The following TNPO1 variants were observed in gnomAD, a reference collection of about 807,000 sequenced individuals.
The protein encoded by TNPO1 is transportin 1.
TNPO1 carries 8 observed loss-of-function variants against 119.5 expected under a neutral mutation model. That is an observed-to-expected ratio of 0.07 (90% CI 0.04 to 0.12). The LOEUF is 0.12. Ranked by LOEUF, TNPO1 falls within the 10% of genes least tolerant of loss-of-function variation. The pLI, the probability that TNPO1 is intolerant of heterozygous loss-of-function variation, is 1.00. For synonymous variants in TNPO1, 362 were observed against 363.0 expected, an observed-to-expected ratio of 1.00 and a Z score of 0.03; for missense variants, 576 against 1,089.8, an observed-to-expected ratio of 0.53 and a Z score of 6.64.
intron 4 of TNPO1, among the ~76,000 whole-genome samples, chr5:72,861,082 T>G (rs1386904199): frequency 6.6e-6 from 1 of 152,160 alleles, no homozygotes; most frequent in East Asian, 1.9e-4. Context: ...CGGCTAGTTA[T>G]GTATTTTTAG....
chr5:72,878,820 TTTC>T, intron 9 of TNPO1: 1 of 382,502 alleles, frequency 2.6e-6, no homozygotes, highest in South Asian at 2.2e-5. Flanking sequence ...ATTTTCTTTT[TTTC>T]TTCAAGAGCA....
At chr5:72,839,636 A>T (rs1005561771) in intron 1 of TNPO1, among the ~76,000 whole-genome samples, 7 of 152,206 alleles carry the variant, frequency 4.6e-5, no homozygotes, top group Admixed American at 1.3e-4. Context: ...AATGTTTCCC[A>T]TATTAATCGG....
At chr5:72,856,900 G>A (rs879405689) in intron 4 of TNPO1, among the ~76,000 whole-genome samples, 14 of 152,168 alleles carry the variant, frequency 9.2e-5, no homozygotes, top group Non-Finnish European at 1.8e-4. Flanking sequence ...GAAGAGGAGC[G>A]TACTAATGGG....
intron 1 of TNPO1, among the ~76,000 whole-genome samples, chr5:72,835,374 T>TA (rs1744653457): frequency 6.6e-6 from 1 of 152,162 alleles, no homozygotes. Flanking sequence ...TACAAAATAA[T>TA]AAAAATGTAT....
chr5:72,868,031 T>C (rs1294594652), intron 6 of TNPO1, among the ~76,000 whole-genome samples: 1 of 152,212 alleles, frequency 6.6e-6, no homozygotes. Flanking sequence ...TTGTACTCCA[T>C]TGATTTACAG....
chr5:72,905,992 C>T (rs1338441751), intron 24 of TNPO1, among the ~76,000 whole-genome samples: 1 of 152,250 alleles, frequency 6.6e-6, no homozygotes, highest in East Asian at 1.9e-4. Context: ...CAGTTTGAAT[C>T]GTAGGTATAA....
chr5:72,874,700 C>T (rs1747643311), intron 7 of TNPO1, among the ~76,000 whole-genome samples: 1 of 152,198 alleles, frequency 6.6e-6, no homozygotes, highest in Non-Finnish European at 1.5e-5. Flanking sequence ...CGTTGAATTT[C>T]TCCTCTTTCT....
chr5:72,849,768 G>T (rs1352306963), intron 2 of TNPO1, among the ~76,000 whole-genome samples: 1 of 152,116 alleles, frequency 6.6e-6, no homozygotes, highest in African/African-American at 2.4e-5. Context: ...TTTGTATCTT[G>T]TAAACAGTGC....
At chr5:72,827,760 T>G (rs1397391149) in intron 1 of TNPO1, among the ~76,000 whole-genome samples, 2 of 151,906 alleles carry the variant, frequency 1.3e-5, no homozygotes, top group African/African-American at 4.8e-5. Flanking sequence ...CAAAAAAATT[T>G]TTTTTTTAAA....
chr5:72,875,976 ATGG>A (rs2112383533), intron 8 of TNPO1, among the ~76,000 whole-genome samples: 1 of 152,256 alleles, frequency 6.6e-6, no homozygotes, highest in Admixed American at 6.5e-5. Flanking sequence ...AAAGTTCCAT[ATGG>A]TGGAGAGAAG....
intron 1 of TNPO1, among the ~76,000 whole-genome samples, chr5:72,846,026 C>T (rs1335268266): frequency 6.6e-6 from 1 of 152,148 alleles, no homozygotes; most frequent in African/African-American, 2.4e-5. Context: ...CATTGTTTAG[C>T]TTCATGAAAA....
chr5:72,860,956 A>G (rs183785477), intron 4 of TNPO1, among the ~76,000 whole-genome samples: 394 of 151,160 alleles, frequency 2.6e-3, no homozygotes, highest in African/African-American at 9.1e-3. Flanking sequence ...CTTGTTGCCC[A>G]GACTGGAGTG....
chr5:72,898,898 T>C (rs537048187), intron 20 of TNPO1, among the ~76,000 whole-genome samples: 1 of 152,168 alleles, frequency 6.6e-6, no homozygotes. Context: ...ACCCTTTTTT[T>C]ATGAAAGGTT....
intron 10 of TNPO1, 112 bp downstream of exon 10, chr5:72,882,639 TC>T (rs1458279127): frequency 3.6e-5 from 25 of 691,312 alleles, no homozygotes; most frequent in African/African-American, 3.4e-4. Context: ...TAAATAGACT[TC>T]CTATTATCCA....
intron 2 of TNPO1, among the ~76,000 whole-genome samples, chr5:72,849,457 AAG>A: frequency 6.6e-6 from 1 of 152,346 alleles, no homozygotes; most frequent in Admixed American, 6.5e-5. Flanking sequence ...TATTGTCAAA[AAG>A]CAGCAAAATT....
intron 11 of TNPO1, 38 bp from the exon 12 acceptor site, chr5:72,887,032 A>T: frequency 6.4e-7 from 1 of 1,557,698 alleles, no homozygotes; most frequent in Non-Finnish European, 8.7e-7. Context: ...AAGTAATAAG[A>T]GGTTAATGTA....
In TNPO1 at chr5:72,841,735, TCCTTCTTTC is replaced by T. The variant is rs376474698; in HGVS notation, c.16-6644_16-6636del. On this transcript the variant is annotated intron_variant, in intron 1 of 24. Coordinates refer to ENST00000337273, the MANE Select transcript of TNPO1 (RefSeq NM_002270.4). ...TCATCATTAGGTGCCTGTAAACTTT[TCCTTCTTTC>T]CCTTCATACCTGAACTTTGGTTCAA... Among the ~76,000 whole-genome samples the T allele has an allele frequency of 2.0e-3, 302 of 152,332 alleles. 3 individuals are homozygous for T. The highest frequency in any genetic ancestry group is 7.0e-3 in the African/African-American group (292 of 41,566).
intron 2 of TNPO1, among the ~76,000 whole-genome samples, chr5:72,848,895 G>C (rs1308543052): frequency 6.6e-6 from 1 of 151,554 alleles, no homozygotes; most frequent in Non-Finnish European, 1.5e-5. Context: ...AATGCGCCCC[G>C]TGGGTGGGGG....
chr5:72,851,231 CTGTT>C lies in TNPO1; in HGVS notation c.130-8_130-5del. On this transcript the variant is annotated splice_polypyrimidine_tract_variant and intron_variant, in intron 2 of 24. Transcript: ENST00000337273. Reference sequence around the variant, plus strand: ...TTACACAGAGAAGTTTCCTTAACTACTGTTTGTTCTAGAAACTGGAACAACTTAA... The same window carrying C: ...TTACACAGAGAAGTTTCCTTAACTACTGTTCTAGAAACTGGAACAACTTAA... The C allele has an allele frequency of 6.5e-7, 1 of 1,529,264 alleles. No individual in the cohort carries two copies. The highest frequency in any genetic ancestry group is 9.0e-7 in the Non-Finnish European group (1 of 1,111,544). 94.7% of individuals were successfully genotyped at this position (1,529,264 alleles called of 1,614,324 possible).
Sources: gnomAD v4.1 joint callset for allele counts (sites outside exome capture counted in the v4.1 genomes callset) on GRCh38, gnomAD v4.1.1 for gene constraint, MANE v1.5 for transcripts, NCBI Gene and HGNC (gene_info 2026-07-23, HGNC 2026-07-21) for gene names.